Variants in GPD1L observed in about 807,000 individuals in gnomAD.
The protein encoded by GPD1L is glycerol-3-phosphate dehydrogenase 1-like protein.
GPD1L carries 17 observed loss-of-function variants against 32.9 expected under a neutral mutation model. The observed-to-expected ratio is 0.52, with a 90% CI of 0.35 to 0.78. The LOEUF is 0.78. Ranked by LOEUF, GPD1L falls within the 30% of genes least tolerant of loss-of-function variation. The pLI, the probability that GPD1L is intolerant of heterozygous loss-of-function variation, is 0.01. For missense variants in GPD1L, 361 were observed against 447.8 expected, an observed-to-expected ratio of 0.81 and a Z score of 1.75; for synonymous variants, 187 against 165.9, an observed-to-expected ratio of 1.13 and a Z score of -0.98.
intron 5 of GPD1L, among the ~76,000 whole-genome samples, chr3:32,154,159 G>T (rs1372392777): frequency 6.6e-6 from 1 of 152,060 alleles, no homozygotes. Flanking sequence ...GTCATAAGGC[G>T]ACTAAACTGG....
chr3:32,142,644 T>A (rs1559577789), intron 4 of GPD1L, among the ~76,000 whole-genome samples: 1 of 152,232 alleles, frequency 6.6e-6, no homozygotes, highest in African/African-American at 2.4e-5. Flanking sequence ...CAATCCTATT[T>A]GCCAATAATC....
intron 4 of GPD1L, among the ~76,000 whole-genome samples, chr3:32,145,405 A>G (rs11129496): frequency 0.42 from 63,241 of 152,054 alleles, 13,947 homozygotes; most frequent in African/African-American, 0.55. Context: ...TGAGATTGCT[A>G]TAAATCAAGC....
chr3:32,139,828 C>G (rs1384591699), intron 3 of GPD1L, among the ~76,000 whole-genome samples: 1 of 152,232 alleles, frequency 6.6e-6, no homozygotes, highest in Non-Finnish European at 1.5e-5. Context: ...AATGGCACAA[C>G]TCTCTTTATA....
At position 32,138,592 on chromosome 3, in the gene GPD1L, C is replaced by A. The variant is rs777069543; in HGVS notation, c.231C>A (p.Ala77=). Residue 77 remains alanine (A), a synonymous_variant, in exon 3 of 8, where the codon GCC becomes GCA. Transcript: ENST00000282541. ...PGHKLPENVV[A]MSNLSEAVQD... is the part of the protein sequence containing the mutation. Reference sequence around the variant, plus strand: ...TCTCTGCCTTTTGGTTGCAGGTTGCCATGTCAAATCTTAGCGAGGCTGTGC... The same window carrying A: ...TCTCTGCCTTTTGGTTGCAGGTTGCAATGTCAAATCTTAGCGAGGCTGTGC... 5 of 1,613,970 alleles carry A rather than the reference C, an allele frequency of 3.1e-6. No individual in the cohort carries two copies. The South Asian group carries it at 5.5e-5, about 18-fold the overall frequency.
intron 1 of GPD1L, among the ~76,000 whole-genome samples, chr3:32,109,078 T>C (rs1700209538): frequency 6.6e-6 from 1 of 152,136 alleles, no homozygotes; most frequent in Non-Finnish European, 1.5e-5. Flanking sequence ...CTCAATCTCC[T>C]GACCTCATGA....
rs202047839 is a variant in GPD1L, at chr3:32,159,020, C to G, written c.763C>G (p.Leu255Val). The G allele has an allele frequency of 6.2e-6, 10 of 1,614,006 alleles. No homozygotes were observed. The East Asian group carries it at 2.2e-4, about 36-fold the overall frequency. ...CKGQVSTATF[L>V]ESCGVADLIT... ...AGGCCAAGTGTCTACAGCCACCTTCCTAGAGAGCTGCGGGGTGGCCGACCT... is the reference window on the plus strand; with the variant it reads ...AGGCCAAGTGTCTACAGCCACCTTCGTAGAGAGCTGCGGGGTGGCCGACCT... The change falls in exon 6 of 8, where the codon CTA (leucine) becomes GTA (valine). Residue 255 changes from leucine to valine, a missense_variant. By Grantham distance (32) the Leu-to-Val change is conservative (BLOSUM62 1). Coordinates refer to ENST00000282541, the MANE Select transcript of GPD1L (RefSeq NM_015141.4).
intron 1 of GPD1L, among the ~76,000 whole-genome samples, chr3:32,108,202 A>G (rs1700191489): frequency 6.6e-6 from 1 of 152,098 alleles, no homozygotes; most frequent in Admixed American, 6.6e-5. Flanking sequence ...CCTGGGCAAC[A>G]CGGCAAAACC....
intron 2 of GPD1L, among the ~76,000 whole-genome samples, chr3:32,130,997 A>G (rs1700579982): frequency 6.6e-6 from 1 of 152,054 alleles, no homozygotes; most frequent in African/African-American, 2.4e-5. Flanking sequence ...CCTGGGCAAC[A>G]GAGCAAGACT....
intron 7 of GPD1L, among the ~76,000 whole-genome samples, chr3:32,160,821 C>T (rs936149464): frequency 6.6e-6 from 1 of 152,206 alleles, no homozygotes; most frequent in African/African-American, 2.4e-5. Context: ...ACCTGCTCCA[C>T]AGCACTTTCT....
intron 5 of GPD1L, 136 bp from the exon 6 acceptor site, chr3:32,158,740 A>G (rs1335366349): frequency 1.3e-6 from 2 of 1,527,892 alleles, no homozygotes; most frequent in East Asian, 4.9e-5. Flanking sequence ...ACAAGAGCAG[A>G]GCCCGGCATT....
intron 4 of GPD1L, among the ~76,000 whole-genome samples, chr3:32,145,736 A>C (rs761797869): frequency 1.8e-4 from 28 of 152,324 alleles, no homozygotes; most frequent in East Asian, 9.6e-4. Context: ...TCACCTAGAC[A>C]GCCTGGTGGA....
intron 1 of GPD1L, among the ~76,000 whole-genome samples, chr3:32,121,164 C>G (rs963647392): frequency 6.6e-6 from 1 of 151,842 alleles, no homozygotes; most frequent in Non-Finnish European, 1.5e-5. Flanking sequence ...CACCTTCCCT[C>G]CCTCCTCTTT....
chr3:32,106,726 C>G lies in GPD1L; in HGVS notation c.15C>G (p.Pro5=). The change falls in exon 1 of 8, where the codon CCC becomes CCG. Residue 5 remains proline, a synonymous_variant. Transcript: ENST00000282541. The surrounding 1 kb of genome is among the most constrained non-coding windows in gnomAD (Gnocchi z 4.0). ...TCGGCCCGGCCATGGCAGCGGCGCC[C>G]CTGAAAGTGTGCATCGTGGGCTCGG... The part of the protein sequence containing the change: MAAA[P]LKVCIVGSGN... The G allele has an allele frequency of 6.4e-7, 1 of 1,563,468 alleles. No individual in the cohort carries two copies. The highest frequency in any genetic ancestry group is 8.7e-7 in the Non-Finnish European group (1 of 1,155,984).
In GPD1L at chr3:32,124,267, A is replaced by G. The variant is rs146228041; in HGVS notation, c.48-3809A>G. Among the ~76,000 whole-genome samples, 102 of 152,206 alleles carry G rather than the reference A, an allele frequency of 6.7e-4. 2 individuals are homozygous for G. The East Asian group carries it at 0.017, about 25-fold the overall frequency. Reference sequence around the variant, plus strand: ...TTTTTAGTAGAGACAGGGTTTCACCATGTTGGCCAGGATGGTCTCAATCTC... The same window carrying G: ...TTTTTAGTAGAGACAGGGTTTCACCGTGTTGGCCAGGATGGTCTCAATCTC... On this transcript the variant is annotated intron_variant, in intron 1 of 7. Coordinates refer to ENST00000282541, the MANE Select transcript of GPD1L (RefSeq NM_015141.4).
chr3:32,141,156 A>C (rs561552037), intron 4 of GPD1L, among the ~76,000 whole-genome samples: 12 of 152,196 alleles, frequency 7.9e-5, no homozygotes, highest in Admixed American at 1.3e-4. Context: ...CAGCTTTGTA[A>C]AAGGAAGCTC....
At chr3:32,116,555 G>A (rs1400000886) in intron 1 of GPD1L, among the ~76,000 whole-genome samples, 1 of 145,540 alleles carries the variant, frequency 6.9e-6, no homozygotes, top group African/African-American at 2.5e-5. Context: ...GGGGAAGAGA[G>A]TAGCTTTGCC....
chr3:32,159,171 T>C, intron 6 of GPD1L, 62 bp downstream of exon 6: 1 of 1,240,134 alleles, frequency 8.1e-7, no homozygotes, highest in Non-Finnish European at 1.2e-6. Flanking sequence ...TGGCTTGGGG[T>C]GAACTGCAGC....
rs1700722155 is a variant in GPD1L, at chr3:32,140,237, G to A, written c.376G>A (p.Glu126Lys). The A allele has an allele frequency of 1.2e-6, 2 of 1,614,006 alleles. No individual in the cohort carries two copies. Among genetic ancestry groups the A allele is most frequent in the East Asian group, 2.2e-5 (1 of 44,872 alleles). Residue 126 changes from glutamate to lysine, a missense_variant, in exon 4 of 8, where the codon GAG becomes AAG. Physicochemically the swap from Glu to Lys is moderately conservative, Grantham distance 56. Coordinates refer to ENST00000282541, the MANE Select transcript of GPD1L (RefSeq NM_015141.4). ...CTTGGCATCCTTGTAGGGCATAGAC[G>A]AGGGCCCCGAGGGGCTGAAGCTCAT... ...LGITLIKGID[E>K]GPEGLKLISD...
chr3:32,165,242 T>C lies in GPD1L; in HGVS notation c.960-572T>C, dbSNP rs57190534. Among the ~76,000 whole-genome samples, 529 of 152,268 alleles carry C rather than the reference T, an allele frequency of 3.5e-3. 24 individuals carry two copies. The East Asian group carries it at 0.087, about 25-fold the overall frequency. On this transcript the variant is annotated intron_variant, in intron 7 of 7. Coordinates refer to ENST00000282541, the MANE Select transcript of GPD1L (RefSeq NM_015141.4). Reference sequence around the variant, plus strand: ...AAAAAGAAAAAAAGCCTGATGAAATTATTTCTTTAGTGATTTTTCACTTAT... The same window carrying C: ...AAAAAGAAAAAAAGCCTGATGAAATCATTTCTTTAGTGATTTTTCACTTAT...
Sources: gnomAD v4.1 joint callset for allele counts (sites outside exome capture counted in the v4.1 genomes callset) on GRCh38, gnomAD v4.1.1 for gene constraint, Gnocchi (gnomAD v3.1) non-coding constraint, MANE v1.5 for transcripts, NCBI Gene and HGNC (gene_info 2026-07-23, HGNC 2026-07-21) for gene names.